ZNF701: variants seen among roughly 807,000 people sequenced by gnomAD.
ZNF701 encodes zinc finger protein 701.
Under a neutral mutation model 7.1 loss-of-function variants are expected in ZNF701, and 6 were observed. That is an observed-to-expected ratio of 0.84 (90% CI 0.46 to 1.66). The LOEUF (loss-of-function observed/expected upper bound fraction) is 1.66, where lower values mean the gene tolerates loss of function less well. Ranked by LOEUF, ZNF701 falls within the 40% of genes most tolerant of loss-of-function variation. ZNF701 has a pLI of 0.01. For missense variants in ZNF701, 541 were observed against 559.2 expected, an observed-to-expected ratio of 0.97 and a Z score of 0.33; for synonymous variants, 166 against 188.2, an observed-to-expected ratio of 0.88 and a Z score of 0.97.
rs1490254456 is a variant in ZNF701 at position 52,578,476 on chromosome 19, C to T, written c.142+2455C>T. Among the ~76,000 whole-genome samples the T allele has an allele frequency of 3.3e-5, 5 of 152,112 alleles. No individual in the cohort carries two copies. The East Asian group carries it at 9.7e-4, about 29-fold the overall frequency. On this transcript the variant is annotated intron_variant, in intron 3 of 3. Coordinates refer to ENST00000391785, the MANE Select transcript of ZNF701 (RefSeq NM_018260.3). ...GCACCCAGCTGTTTGGGGCCACTAC[C>T]TGTCTCCGCGTCTTGATGGTAGTGG...
chr19:52,582,634 A>G lies in ZNF701; in HGVS notation c.575A>G (p.Tyr192Cys). Residue 192 changes from tyrosine (Y) to cysteine (C), a missense_variant, in exon 4 of 4, where the codon TAT becomes TGT. Tyr to Cys is a radical substitution (Grantham distance 194). Transcript: ENST00000391785. ...CCAAAAACTCGTATTTCTAATAAGT[A>G]TAGGAATAATTTCCTCCAGTCTTCA... ...CRPKTRISNK[Y>C]RNNFLQSSLL... 1 of 1,614,168 alleles carries G rather than the reference A, an allele frequency of 6.2e-7. No homozygotes were observed.
Position 52,574,154 on chromosome 19 carries a change from CT to C in ZNF701, c.9del (p.Leu4PhefsTer5). 1 of 1,611,620 alleles carries C rather than the reference CT, an allele frequency of 6.2e-7. No homozygotes were observed. The highest frequency in any genetic ancestry group is 8.5e-7 in the Non-Finnish European group (1 of 1,178,686). MA[L>X]LQGLLTFRDV... Reference sequence around the variant, plus strand: ...GAAAGCAAAGGAGTCAGGGATGGCTCTTCTTCAGGTGAGATGATATTCTCGG... The same window carrying C: ...GAAAGCAAAGGAGTCAGGGATGGCTCTCTTCAGGTGAGATGATATTCTCGG... On this transcript the variant is annotated frameshift_variant, in exon 2 of 4. Transcript: ENST00000391785. LOFTEE classifies it high-confidence loss of function.
intron 1 of ZNF701, among the ~76,000 whole-genome samples, chr19:52,573,476 A>G (rs544874616): frequency 6.6e-6 from 1 of 152,056 alleles, no homozygotes; most frequent in Non-Finnish European, 1.5e-5. Context: ...AACTTGAGTA[A>G]TCCTCCCACC....
chr19:52,582,034 A>G (rs564282206), intron 3 of ZNF701, among the ~76,000 whole-genome samples, 168 bp from the exon 4 acceptor site: 2 of 152,330 alleles, frequency 1.3e-5, no homozygotes, highest in Non-Finnish European at 2.9e-5. Context: ...AGCACATGCA[A>G]TCACCCTTTA....
chr19:52,596,828 G>A, the ZNF701 span: 2 of 542,856 alleles, frequency 3.7e-6, no homozygotes, highest in Admixed American at 1.9e-5. Flanking sequence ...AGCACACCTT[G>A]CATGTCATCA....
chr19:52,583,656 G>C lies in ZNF701; in HGVS notation c.*199G>C. 1 of 1,107,292 alleles carries C rather than the reference G, an allele frequency of 9.0e-7. No individual in the cohort carries two copies. The highest frequency in any genetic ancestry group is 1.2e-5 in the South Asian group (1 of 80,428). 68.6% of individuals were successfully genotyped at this position (1,107,292 alleles called of 1,614,324 possible). A position where few individuals can be genotyped will look rare whatever the true frequency, so the allele number is the denominator to read the frequency against. ...GGTTTGTGACAAGGATTTCGGGTGT[G>C]ATTCACACCTGGCCCAACATACTGG... On this transcript the variant is annotated 3_prime_UTR_variant, in exon 4 of 4. Coordinates refer to ENST00000391785, the MANE Select transcript of ZNF701 (RefSeq NM_018260.3).
chr19:52,577,912 T>C (rs550036792), intron 3 of ZNF701, among the ~76,000 whole-genome samples: 10 of 152,192 alleles, frequency 6.6e-5, no homozygotes, highest in African/African-American at 2.4e-4. Context: ...TTGAAGTTCA[T>C]AGTAGATAGC....
downstream of ZNF701, among the ~76,000 whole-genome samples, chr19:52,590,469 A>T (rs970987517): frequency 1.3e-5 from 2 of 152,208 alleles, no homozygotes; most frequent in African/African-American, 4.8e-5. Context: ...TAGTTACTGT[A>T]TGTTTAGCCC....
chr19:52,583,876 G>C lies in ZNF701; in HGVS notation c.*419G>C. ...ATCCATAATGAAGGAGGTCTTACAA[G>C]TGTAATAAATGTGGCAAGTTTTTCA... On this transcript the variant is annotated 3_prime_UTR_variant, in exon 4 of 4. Transcript: ENST00000391785. The C allele has an allele frequency of 2.1e-6, 1 of 469,032 alleles. No homozygotes were observed. Among genetic ancestry groups the C allele is most frequent in the Non-Finnish European group, 4.2e-6 (1 of 240,820 alleles). The allele number at this position is 469,032 out of a possible 1,614,324, so 29.1% of individuals were successfully genotyped here.
chr19:52,591,002 G>A (rs142145514), downstream of ZNF701, among the ~76,000 whole-genome samples: 11,287 of 151,926 alleles, frequency 0.074, 458 homozygotes, highest in African/African-American at 0.11. Flanking sequence ...ACCATGCCCA[G>A]CTAATTTTTG....
Position 52,584,912 on chromosome 19 carries a change from C to CT in ZNF701, c.*1456dup. ...TCTCCCCGCGGGTCTGGCTTCTGTA[C>CT]TGTGCTGATTGGCACAGACCCGGAA... On this transcript the variant is annotated 3_prime_UTR_variant, in exon 4 of 4. Coordinates refer to ENST00000391785, the MANE Select transcript of ZNF701 (RefSeq NM_018260.3). The CT allele has an allele frequency of 6.6e-6, 1 of 152,270 alleles. No individual in the cohort carries two copies. 9.4% of individuals were successfully genotyped at this position (152,270 alleles called of 1,614,324 possible).
downstream of ZNF701, among the ~76,000 whole-genome samples, chr19:52,589,834 C>A (rs1465142056): frequency 6.6e-6 from 1 of 152,128 alleles, no homozygotes; most frequent in Non-Finnish European, 1.5e-5. Flanking sequence ...TGCTCTGTTG[C>A]CAGGCTGGAG....
chr19:52,587,834 G>GGT (rs1233634941), downstream of ZNF701, among the ~76,000 whole-genome samples: 5 of 152,170 alleles, frequency 3.3e-5, no homozygotes, highest in African/African-American at 1.2e-4. Flanking sequence ...ATAATACAAT[G>GGT]GCACTGGTGA....
At chr19:52,576,900 A>G (rs2059938250) in intron 3 of ZNF701, among the ~76,000 whole-genome samples, 1 of 152,160 alleles carries the variant, frequency 6.6e-6, no homozygotes, top group South Asian at 2.1e-4. Flanking sequence ...AAATATCAAA[A>G]AACTCCAGAT....
intron 3 of ZNF701, among the ~76,000 whole-genome samples, chr19:52,580,337 T>A (rs2059967558): frequency 6.6e-6 from 1 of 152,162 alleles, no homozygotes; most frequent in South Asian, 2.1e-4. Context: ...CTTTTTATTT[T>A]AAAAAATTTA....
intron 3 of ZNF701, among the ~76,000 whole-genome samples, chr19:52,578,002 C>A (rs2059947009): frequency 6.6e-6 from 1 of 152,024 alleles, no homozygotes. Flanking sequence ...TGCCTGTAAT[C>A]CCAGCACTTT....
chr19:52,576,590 C>T (rs1264203494), intron 3 of ZNF701, among the ~76,000 whole-genome samples: 1 of 150,540 alleles, frequency 6.6e-6, no homozygotes. Context: ...TATCCAGTTT[C>T]CTGTTTGCTT....
rs117252211 is a variant in ZNF701, at chr19:52,585,316, G to A, written c.*1859G>A. 1.6e-3 allele frequency: 241 copies of A among 152,616 alleles called. 4 individuals carry two copies. The East Asian group carries it at 0.035, about 22-fold the overall frequency. 9.5% of individuals were successfully genotyped at this position (152,616 alleles called of 1,614,324 possible). On this transcript the variant is annotated 3_prime_UTR_variant, in exon 4 of 4. Coordinates refer to ENST00000391785, the MANE Select transcript of ZNF701 (RefSeq NM_018260.3). ...AGGGCAGCGCTGCAGCCCCACTCCC[G>A]GGAAGGCCGCGTCCTCTGCCTGGTC...
Position 52,586,273 on chromosome 19 carries a change from C to G in ZNF701, c.*2816C>G, listed in dbSNP as rs2147000957. On this transcript the variant is annotated 3_prime_UTR_variant, in exon 4 of 4. Coordinates refer to ENST00000391785, the MANE Select transcript of ZNF701 (RefSeq NM_018260.3). ...TCTAGGTTGGGCTCCAACTGCAGGGCTAAAGCGATCCAAGAGCATCAGCCT... is the reference window on the plus strand; with the variant it reads ...TCTAGGTTGGGCTCCAACTGCAGGGGTAAAGCGATCCAAGAGCATCAGCCT... 6.6e-6 allele frequency: 1 copy of G among 152,116 alleles called. No homozygotes were observed. The highest frequency in any genetic ancestry group is 2.4e-5 in the African/African-American group (1 of 41,492). The allele number at this position is 152,116 out of a possible 1,614,324, so 9.4% of individuals were successfully genotyped here. A position where few individuals can be genotyped will look rare whatever the true frequency, so the allele number is the denominator to read the frequency against.
Sources: gnomAD v4.1 joint callset for allele counts (sites outside exome capture counted in the v4.1 genomes callset) on GRCh38, gnomAD v4.1.1 for gene constraint, MANE v1.5 for transcripts, NCBI Gene and HGNC (gene_info 2026-07-23, HGNC 2026-07-21) for gene names.